The following ARID4B variants were observed in gnomAD, a reference collection of about 807,000 sequenced individuals.
The protein encoded by ARID4B is AT-rich interaction domain 4B, also known as AT-rich interactive domain-containing protein 4B.
A neutral mutation model predicts 147.5 loss-of-function variants in ARID4B; 26 were observed. That is an observed-to-expected ratio of 0.18 (90% CI 0.13 to 0.24). ARID4B has a LOEUF of 0.24. Among genes scored for constraint, ARID4B ranks in the 10% least tolerant of loss-of-function variants. The probability of loss-of-function intolerance (pLI) is 1.00; values close to 1 mark genes in which losing one functional copy is unlikely to be tolerated. For synonymous variants in ARID4B, 512 were observed against 507.9 expected (o/e 1.01, Z -0.11); for missense variants, 1,179 against 1,511.5 (o/e 0.78, Z 3.65).
chr1:235,316,547 T>C (rs1674448688), intron 2 of ARID4B, among the ~76,000 whole-genome samples: 1 of 151,488 alleles, frequency 6.6e-6, no homozygotes. Flanking sequence ...CTGGGCACGG[T>C]GGCTGATGCC....
intron 17 of ARID4B, among the ~76,000 whole-genome samples, chr1:235,210,071 TA>T (rs1464801116): frequency 6.6e-6 from 1 of 151,716 alleles, no homozygotes; most frequent in Non-Finnish European, 1.5e-5. Flanking sequence ...CTACAAAAGA[TA>T]AAAAATTAGC....
At chr1:235,326,716 G>C in intron 2 of ARID4B, 198 bp downstream of exon 2, 2 of 620,732 alleles carry the variant, frequency 3.2e-6, no homozygotes, top group Admixed American at 2.8e-5. Flanking sequence ...CTTCAGTTGA[G>C]ACATCCTATA....
intron 2 of ARID4B, 130 bp downstream of exon 2, chr1:235,326,784 G>A (rs1482960850): frequency 4.1e-5 from 49 of 1,197,304 alleles, no homozygotes; most frequent in Middle Eastern, 2.3e-4. Context: ...CTGGGGAAGG[G>A]CTCGGTCACC....
intron 2 of ARID4B, among the ~76,000 whole-genome samples, chr1:235,283,430 T>C (rs1336428957): frequency 1.3e-5 from 2 of 152,198 alleles, no homozygotes; most frequent in Non-Finnish European, 2.9e-5. Context: ...AATACACAGG[T>C]AAAGATTTGA....
intron 17 of ARID4B, among the ~76,000 whole-genome samples, chr1:235,211,574 A>C (rs2103003434): frequency 6.6e-6 from 1 of 152,252 alleles, no homozygotes; most frequent in East Asian, 1.9e-4. Flanking sequence ...CGTTTTTGCT[A>C]ATCCAAGTAT....
In ARID4B at chr1:235,177,840, A is replaced by G; in HGVS notation, c.3408T>C (p.His1136=). The change falls in exon 21 of 24, where the codon CAT becomes CAC. Residue 1136 remains histidine, a synonymous_variant. Transcript: ENST00000264183. The part of the protein sequence containing the change: ...GSSSKKQKRS[H]KATVVNNKKK... ...TTTTGTTGTTTACCACTGTTGCTTT[A>G]TGGCTTCTTTTCTGCTTTTTTGATG... is the stretch of plus-strand genomic sequence containing the variant. 6.2e-7 allele frequency: 1 copy of G among 1,612,534 alleles called. No individual in the cohort carries two copies.
intron 16 of ARID4B, among the ~76,000 whole-genome samples, chr1:235,214,896 C>T (rs1666955991): frequency 7.7e-6 from 1 of 130,072 alleles, no homozygotes; most frequent in Admixed American, 9.7e-5. Flanking sequence ...TGGAGTGGTG[C>T]AATGGCGCAA....
At chr1:235,246,274 C>A (rs914260154) in intron 7 of ARID4B, 146 bp downstream of exon 7, 8 of 642,920 alleles carry the variant, frequency 1.2e-5, no homozygotes, top group Non-Finnish European at 2.2e-5. Flanking sequence ...ATCACCCATG[C>A]TGAGGAGTCT....
rs193205596 is a variant in ARID4B, at chr1:235,238,404, A to C, written c.585+1909T>G. On this transcript the variant is annotated intron_variant, in intron 8 of 23. Coordinates refer to ENST00000264183, the MANE Select transcript of ARID4B (RefSeq NM_016374.6). The stretch of plus-strand genomic sequence containing the variant: ...TTAGTAAGGGAGTGAGAACATACAA[A>C]ACAGAGACAGAGAATAATTTTGACC... 4.4e-3 allele frequency among the ~76,000 whole-genome samples: 666 copies of C among 152,346 alleles called. 3 individuals carry two copies. Among genetic ancestry groups the C allele is most frequent in the Middle Eastern group, 0.01 (3 of 294 alleles).
At chr1:235,212,481 T>C (rs1334834582) in intron 17 of ARID4B, among the ~76,000 whole-genome samples, 5 of 152,222 alleles carry the variant, frequency 3.3e-5, no homozygotes, top group Non-Finnish European at 7.3e-5. Flanking sequence ...AGTTGCTATT[T>C]GCTATTTGCT....
intron 6 of ARID4B, among the ~76,000 whole-genome samples, chr1:235,251,304 G>C (rs562915775): frequency 1.3e-5 from 2 of 151,700 alleles, no homozygotes; most frequent in African/African-American, 4.8e-5. Flanking sequence ...GAAAGACATA[G>C]AGGAGGAAGC....
At chr1:235,276,723 C>A (rs1426406838) in intron 2 of ARID4B, among the ~76,000 whole-genome samples, 1 of 152,024 alleles carries the variant, frequency 6.6e-6, no homozygotes, top group Admixed American at 6.6e-5. Context: ...GTTGGCCAGG[C>A]GCGGTGGCTC....
At chr1:235,321,976 TG>T (rs1674870695) in intron 2 of ARID4B, among the ~76,000 whole-genome samples, 1 of 152,116 alleles carries the variant, frequency 6.6e-6, no homozygotes, top group African/African-American at 2.4e-5. Flanking sequence ...CTCCAGCTCC[TG>T]GGTTCAAGCA....
At chr1:235,256,346 C>A (rs927967487) in intron 4 of ARID4B, among the ~76,000 whole-genome samples, 1 of 152,058 alleles carries the variant, frequency 6.6e-6, no homozygotes, top group Non-Finnish European at 1.5e-5. Flanking sequence ...TAGACTACAC[C>A]GTGAGTACCA....
chr1:235,308,144 G>C (rs1408057313), intron 2 of ARID4B, among the ~76,000 whole-genome samples: 1 of 142,530 alleles, frequency 7.0e-6, no homozygotes, highest in Non-Finnish European at 1.5e-5. Context: ...CTGTCGCCCA[G>C]GCTAGAGTGC....
At chr1:235,201,498 A>G (rs934692508) in intron 17 of ARID4B, among the ~76,000 whole-genome samples, 16 of 151,952 alleles carry the variant, frequency 1.1e-4, no homozygotes, top group African/African-American at 2.9e-4. Flanking sequence ...TAATTTTTTT[A>G]TATTTTGTAG....
At position 235,328,179 on chromosome 1, in the gene ARID4B, C is replaced by T. The variant is rs914249358; in HGVS notation, c.-460G>A. On this transcript the variant is annotated 5_prime_UTR_variant, in exon 1 of 24. Transcript: ENST00000264183. ...ACTCCGGACTCGACTGACGGGCAAA[C>T]ATCGCTTCCCCCCCACCGACTCTAG... 6.5e-6 allele frequency: 1 copy of T among 152,782 alleles called. No homozygotes were observed. The highest frequency in any genetic ancestry group is 2.4e-5 in the African/African-American group (1 of 41,406). The allele number at this position is 152,782 out of a possible 1,614,324, so 9.5% of individuals were successfully genotyped here.
chr1:235,283,084 T>C (rs1179902983), intron 2 of ARID4B, among the ~76,000 whole-genome samples: 1 of 152,234 alleles, frequency 6.6e-6, no homozygotes, highest in Non-Finnish European at 1.5e-5. Flanking sequence ...CCGATACTAC[T>C]TCATTTTATA....
intron 23 of ARID4B, 43 bp from the exon 24 acceptor site, chr1:235,168,695 A>G (rs1455644999): frequency 6.3e-7 from 1 of 1,585,100 alleles, no homozygotes; most frequent in South Asian, 1.1e-5. Context: ...ATAAAAATTT[A>G]TGTCTAACAA....
Sources: allele counts gnomAD v4.1 joint callset (sites outside exome capture counted in the v4.1 genomes callset), GRCh38; gene constraint gnomAD v4.1.1; transcripts MANE v1.5; gene names NCBI Gene and HGNC (gene_info 2026-07-23, HGNC 2026-07-21).